Variants in KLRG1 observed in about 807,000 individuals in gnomAD.
KLRG1 encodes killer cell lectin-like receptor subfamily G member 1.
KLRG1 carries 16 observed loss-of-function variants against 21.8 expected under a neutral mutation model. The observed-to-expected ratio is 0.73, with a 90% CI of 0.50 to 1.11. The LOEUF is 1.11. Among genes scored for constraint, KLRG1 ranks in the 50% most tolerant of loss-of-function variants. The probability of loss-of-function intolerance (pLI) is 0.00; values close to 1 mark genes in which losing one functional copy is unlikely to be tolerated. For missense variants in KLRG1, 173 were observed against 218.3 expected, an observed-to-expected ratio of 0.79 and a Z score of 1.31; for synonymous variants, 69 against 75.9, an observed-to-expected ratio of 0.91 and a Z score of 0.47.
intron 1 of KLRG1, among the ~76,000 whole-genome samples, chr12:8,951,484 T>C (rs1490290044): frequency 6.6e-6 from 1 of 152,214 alleles, no homozygotes; most frequent in Non-Finnish European, 1.5e-5. Flanking sequence ...GATATGTATG[T>C]ATCAAATATT....
the KLRG1 span, among the ~76,000 whole-genome samples, chr12:9,057,189 G>C: frequency 0.56 from 85,154 of 152,030 alleles, 25,408 homozygotes; most frequent in African/African-American, 0.76. Context: ...CACTTTTATT[G>C]CTTTAAGAAT....
At chr12:9,067,370 A>C in the KLRG1 span, 88,339 of 243,390 alleles carry the variant, frequency 0.36, 17,780 homozygotes, top group African/African-American at 0.54. Context: ...TCAATATGAC[A>C]TGTTCAATGT....
chr12:9,163,904 A>G, the KLRG1 span: 1 of 1,361,888 alleles, frequency 7.3e-7, no homozygotes, highest in Non-Finnish European at 9.9e-7. Flanking sequence ...AAAAAAAAAG[A>G]AACCCACAAG....
the KLRG1 span, among the ~76,000 whole-genome samples, chr12:9,021,239 G>A: frequency 6.6e-6 from 1 of 151,844 alleles, no homozygotes; most frequent in African/African-American, 2.4e-5. Flanking sequence ...ATGACCAATC[G>A]GTAAGTTAAT....
At chr12:9,011,880 C>A (rs779817992), downstream of KLRG1, among the ~76,000 whole-genome samples, 2 of 152,066 alleles carry the variant, frequency 1.3e-5, no homozygotes, top group African/African-American at 2.4e-5. Flanking sequence ...AAGCAGATAG[C>A]GACATGGGAC....
chr12:9,115,967 AG>A, the KLRG1 span: 2 of 819,306 alleles, frequency 2.4e-6, no homozygotes, highest in South Asian at 2.8e-5. Flanking sequence ...GTGTGCAAAC[AG>A]GAAGTTCCAC....
the KLRG1 span, among the ~76,000 whole-genome samples, chr12:9,194,811 C>T: frequency 6.6e-6 from 1 of 152,126 alleles, no homozygotes; most frequent in Admixed American, 6.5e-5. Context: ...TTAATATGCA[C>T]TTGGAATAAG....
chr12:9,160,214 A>C, the KLRG1 span: 1 of 1,257,478 alleles, frequency 8.0e-7, no homozygotes, highest in Non-Finnish European at 1.1e-6. Context: ...TGTTTTCATA[A>C]AAATTATCAT....
At chr12:9,002,243 A>G (rs980211112) in intron 3 of KLRG1, among the ~76,000 whole-genome samples, 3 of 152,180 alleles carry the variant, frequency 2.0e-5, no homozygotes, top group South Asian at 2.1e-4. Context: ...AATAACTTAC[A>G]TACATTCTGT....
the KLRG1 span, among the ~76,000 whole-genome samples, chr12:9,214,805 C>T: frequency 1.3e-4 from 19 of 151,886 alleles, no homozygotes; most frequent in East Asian, 1.9e-4. Context: ...ATTTTGATTA[C>T]ATAAGTGTAA....
chr12:9,204,802 C>A, the KLRG1 span, among the ~76,000 whole-genome samples: 1 of 151,804 alleles, frequency 6.6e-6, no homozygotes, highest in Non-Finnish European at 1.5e-5. Context: ...TAAAAAAAAA[C>A]AAACAGGTTC....
the KLRG1 span, among the ~76,000 whole-genome samples, chr12:9,018,679 T>TA: frequency 5.0e-3 from 618 of 123,358 alleles, 4 homozygotes; most frequent in Middle Eastern, 9.3e-3. Flanking sequence ...CATCTCTATT[T>TA]AAAAAAAAAA....
chr12:9,111,684 A>G, the KLRG1 span, among the ~76,000 whole-genome samples: 1 of 152,176 alleles, frequency 6.6e-6, no homozygotes, highest in Non-Finnish European at 1.5e-5. Context: ...AGAAAAATGA[A>G]GACTTTGGGT....
chr12:9,204,477 A>G, the KLRG1 span, among the ~76,000 whole-genome samples: 1 of 152,192 alleles, frequency 6.6e-6, no homozygotes, highest in African/African-American at 2.4e-5. Flanking sequence ...ACAAAATAAC[A>G]CATGTCTATA....
At chr12:9,185,755 T>A in the KLRG1 span, among the ~76,000 whole-genome samples, 1 of 148,992 alleles carries the variant, frequency 6.7e-6, no homozygotes, top group African/African-American at 2.5e-5. Flanking sequence ...GCAGACACCC[T>A]ACAAGCCATA....
the KLRG1 span, among the ~76,000 whole-genome samples, chr12:9,136,233 C>T: frequency 1.3e-5 from 2 of 152,170 alleles, no homozygotes; most frequent in African/African-American, 2.4e-5. Flanking sequence ...GCCAGCTCTA[C>T]GTACATTTGC....
the KLRG1 span, chr12:9,203,895 C>T: frequency 2.5e-6 from 4 of 1,614,062 alleles, no homozygotes; most frequent in Non-Finnish European, 3.4e-6. Flanking sequence ...CAGAAGGACA[C>T]AGCCCTTCTT....
At chr12:9,179,994 A>T in the KLRG1 span, among the ~76,000 whole-genome samples, 10 of 152,328 alleles carry the variant, frequency 6.6e-5, no homozygotes, top group Non-Finnish European at 1.5e-4. Flanking sequence ...TAATCTTAAA[A>T]TGGGACTATT....
chr12:9,100,334 A>G, the KLRG1 span, among the ~76,000 whole-genome samples: 5 of 152,346 alleles, frequency 3.3e-5, no homozygotes, highest in South Asian at 6.2e-4. Flanking sequence ...TCATTTTGAG[A>G]AGAGGTTCAA....
Sources: allele counts gnomAD v4.1 joint callset (sites outside exome capture counted in the v4.1 genomes callset), GRCh38; gene constraint gnomAD v4.1.1; transcripts MANE v1.5; gene names NCBI Gene and HGNC (gene_info 2026-07-23, HGNC 2026-07-21).